Variants in SETD1B observed in about 807,000 individuals in gnomAD.
SETD1B encodes the protein histone-lysine N-methyltransferase SETD1B.
In SETD1B, 7 loss-of-function variants were observed where a neutral mutation model predicts 148.0. The observed-to-expected ratio is 0.05, with a 90% CI of 0.03 to 0.09. SETD1B has a LOEUF of 0.09. SETD1B is among the 10% of genes least tolerant of loss of function. SETD1B has a pLI of 1.00. For missense variants in SETD1B, 2,155 were observed against 2,729.9 expected (o/e 0.79, Z 4.69); for synonymous variants, 1,361 against 1,186.5 (o/e 1.15, Z -3.02).
At chr12:121,798,035 C>G in the SETD1B span, among the ~76,000 whole-genome samples, 1 of 152,346 alleles carries the variant, frequency 6.6e-6, no homozygotes, top group Admixed American at 6.5e-5. Context: ...TACTTCCAAC[C>G]AGACAGTCCC....
Position 121,805,882 on chromosome 12 carries a change from T to C in SETD1B, c.321T>C (p.Phe107=). The change falls in exon 4 of 17, where the codon TTT becomes TTC. Residue 107 remains phenylalanine, a synonymous_variant. Coordinates refer to ENST00000604567, the MANE Select transcript of SETD1B (RefSeq NM_001353345.2). This position sits in a 1 kb window ranked among gnomAD's most constrained non-coding sequence, Gnocchi z 4.2. ...CGGTGCCTCCGAAGCAGGTGACATT[T>C]GCCAAGCTGAATGATAACATCCGTG... ...VGPVPPKQVT[F]AKLNDNIREN... is the part of the protein sequence containing the mutation. The C allele has an allele frequency of 6.4e-7, 1 of 1,551,514 alleles. No homozygotes were observed. The highest frequency in any genetic ancestry group is 8.7e-7 in the Non-Finnish European group (1 of 1,146,938).
At chr12:121,819,378 G>A (rs376506231) in intron 10 of SETD1B, 26 bp from the exon 11 acceptor site, 23 of 1,551,006 alleles carry the variant, frequency 1.5e-5, no homozygotes, top group African/African-American at 1.2e-4. Flanking sequence ...TCCTCAGGCA[G>A]CCCCTCGTCT....
chr12:121,822,716 G>A lies in SETD1B; in HGVS notation c.4137G>A (p.Val1379=), dbSNP rs772113208. The change falls in exon 12 of 17, where the codon GTG becomes GTA. Residue 1379 remains valine (V), a synonymous_variant. Coordinates refer to ENST00000604567, the MANE Select transcript of SETD1B (RefSeq NM_001353345.2). ...CCAAGTCGCAGAGCACAGAGACGGT[G>A]CCAGCCACACCAGGCGGGGAGCCCC... ...SLAKSQSTET[V]PATPGGEPPL... is the part of the protein sequence containing the mutation. 4 of 1,526,506 alleles carry A rather than the reference G, an allele frequency of 2.6e-6. No homozygotes were observed. Among genetic ancestry groups the A allele is most frequent in the African/African-American group, 2.8e-5 (2 of 72,642 alleles). 94.6% of individuals were successfully genotyped at this position (1,526,506 alleles called of 1,614,324 possible).
In SETD1B at chr12:121,820,811, G is replaced by A. The variant is rs148479923; in HGVS notation, c.3910+916G>A. ...GCCTCCCAAAGTGCTGGGATTACAGGCGTGAGCCACCATGCCCGGTCCTAG... is the reference window on the plus strand; with the variant it reads ...GCCTCCCAAAGTGCTGGGATTACAGACGTGAGCCACCATGCCCGGTCCTAG... On this transcript the variant is annotated intron_variant, in intron 11 of 16. Coordinates refer to ENST00000604567, the MANE Select transcript of SETD1B (RefSeq NM_001353345.2). Among the ~76,000 whole-genome samples, 628 of 152,328 alleles carry A rather than the reference G, an allele frequency of 4.1e-3. 7 individuals carry two copies. The highest frequency in any genetic ancestry group is 0.014 in the African/African-American group (598 of 41,558).
Position 121,810,160 on chromosome 12 carries a change from C to T in SETD1B, c.1215C>T (p.Ala405=). 6.5e-7 allele frequency: 1 copy of T among 1,549,954 alleles called. No individual in the cohort carries two copies. Among genetic ancestry groups the T allele is most frequent in the Non-Finnish European group, 8.7e-7 (1 of 1,146,846 alleles). The change falls in exon 6 of 17, where the codon GCC becomes GCT. Residue 405 remains alanine, a synonymous_variant. Coordinates refer to ENST00000604567, the MANE Select transcript of SETD1B (RefSeq NM_001353345.2). The surrounding 1 kb of genome is among the most constrained non-coding windows in gnomAD (Gnocchi z 7.6). ...TCTCTCCGTATCAGACCCCAGTGGC[C>T]CACTTCCCTCCACCCCCGGAAGAGC... The part of the protein sequence containing the change: ...SAFSPYQTPV[A]HFPPPPEEPT...
chr12:121,825,387 C>G, intron 13 of SETD1B, 21 bp downstream of exon 13: 1 of 1,542,146 alleles, frequency 6.5e-7, no homozygotes, highest in South Asian at 1.2e-5. Context: ...GGCTCCTGGA[C>G]ACATCAGAGC....
In SETD1B at chr12:121,831,587, G is replaced by T. The variant is rs1308086166; in HGVS notation, c.*1348G>T. Reference sequence around the variant, plus strand: ...ACATTGTTTCTTGTAGAAACATGCGGGAAGACATTTTTTGCTCATTTCTTT... The same window carrying T: ...ACATTGTTTCTTGTAGAAACATGCGTGAAGACATTTTTTGCTCATTTCTTT... On this transcript the variant is annotated 3_prime_UTR_variant, in exon 17 of 17. Transcript: ENST00000604567. 3 of 151,792 alleles carry T rather than the reference G, an allele frequency of 2.0e-5. No homozygotes were observed. The highest frequency in any genetic ancestry group is 7.3e-5 in the African/African-American group (3 of 41,282). The allele number at this position is 151,792 out of a possible 1,614,324, so 9.4% of individuals were successfully genotyped here.
chr12:121,825,453 G>A, intron 13 of SETD1B, 87 bp downstream of exon 13: 1 of 1,370,296 alleles, frequency 7.3e-7, no homozygotes, highest in Non-Finnish European at 9.8e-7. Flanking sequence ...CCAGGCAGAG[G>A]GAGGAGTTGT....
At chr12:121,816,958 G>C in intron 7 of SETD1B, 75 bp from the exon 8 acceptor site, 1 of 1,353,764 alleles carries the variant, frequency 7.4e-7, no homozygotes, top group Non-Finnish European at 9.8e-7. Context: ...TGGAAGGCAG[G>C]TAGCCTGGGG....
chr12:121,804,751 A>ACCC lies in SETD1B; in HGVS notation c.20_22dup (p.Pro7dup). On this transcript the variant is annotated inframe_insertion, in exon 2 of 17. Coordinates refer to ENST00000604567, the MANE Select transcript of SETD1B (RefSeq NM_001353345.2). The surrounding 1 kb of genome is among the most constrained non-coding windows in gnomAD (Gnocchi z 4.6). ...TGGGTTAACGGCATGGAGAACAGTCACCCCCCCCACCACCACCACCAGCAG... is the reference window on the plus strand; with the variant it reads ...TGGGTTAACGGCATGGAGAACAGTCACCCCCCCCCCCACCACCACCACCAGCAG... 2.0e-6 allele frequency: 3 copies of ACCC among 1,527,566 alleles called. No homozygotes were observed. The highest frequency in any genetic ancestry group is 1.8e-6 in the Non-Finnish European group (2 of 1,135,846). 94.6% of individuals were successfully genotyped at this position (1,527,566 alleles called of 1,614,324 possible). A position where few individuals can be genotyped will look rare whatever the true frequency, so the allele number is the denominator to read the frequency against.
At position 121,828,064 on chromosome 12, in the gene SETD1B, C is replaced by T. The variant is rs1435219875; in HGVS notation, c.5721C>T (p.Ser1907=). ...ACTTCGCGCGCTTCATCAACCACAGCTGCAACGTGAGTGCCCAGCGGGGGG... is the reference window on the plus strand; with the variant it reads ...ACTTCGCGCGCTTCATCAACCACAGTTGCAACGTGAGTGCCCAGCGGGGGG... ...CGNFARFINH[S]CNPNCYAKVI... is the part of the protein sequence containing the mutation. Residue 1907 remains serine, a synonymous_variant, in exon 16 of 17, where the codon AGC becomes AGT. Transcript: ENST00000604567. 19 of 1,552,054 alleles carry T rather than the reference C, an allele frequency of 1.2e-5. No individual in the cohort carries two copies. The highest frequency in any genetic ancestry group is 4.1e-5 in the African/African-American group (3 of 73,084).
chr12:121,829,301 G>A (rs943738584), intron 16 of SETD1B, among the ~76,000 whole-genome samples: 13 of 152,162 alleles, frequency 8.5e-5, no homozygotes, highest in Non-Finnish European at 1.5e-4. Flanking sequence ...GCAGTGATGG[G>A]GGCCTGAGCG....
chr12:121,807,632 A>G (rs1346320605), intron 4 of SETD1B, among the ~76,000 whole-genome samples: 1 of 152,082 alleles, frequency 6.6e-6, no homozygotes, highest in African/African-American at 2.4e-5. Context: ...GCCCTGGTCT[A>G]TAAAAGCCTC....
At chr12:121,822,055 G>A (rs1315058163) in intron 11 of SETD1B, among the ~76,000 whole-genome samples, 3 of 152,190 alleles carry the variant, frequency 2.0e-5, no homozygotes, top group Middle Eastern at 3.4e-3. Context: ...CATTCCACCC[G>A]TCTCAAAAAT....
At position 121,808,157 on chromosome 12, in the gene SETD1B, C is replaced by A; in HGVS notation, c.545-51C>A. ...ACACAGGTTGGAATCCTTGTGGGGG[C>A]TGCCCCATCCTGGAACCTCACTGAG... On this transcript the variant is annotated intron_variant, in intron 4 of 16. Transcript: ENST00000604567. The surrounding 1 kb of genome is among the most constrained non-coding windows in gnomAD (Gnocchi z 5.3). 1 of 1,413,778 alleles carries A rather than the reference C, an allele frequency of 7.1e-7. No homozygotes were observed. 87.6% of individuals were successfully genotyped at this position (1,413,778 alleles called of 1,614,324 possible).
At chr12:121,792,918 G>A in the SETD1B span, among the ~76,000 whole-genome samples, 1 of 152,250 alleles carries the variant, frequency 6.6e-6, no homozygotes, top group Non-Finnish European at 1.5e-5. Flanking sequence ...TCTCAGCACA[G>A]AGCTGGGAGG....
the SETD1B span, among the ~76,000 whole-genome samples, chr12:121,798,227 T>G: frequency 2.6e-5 from 4 of 152,120 alleles, no homozygotes; most frequent in African/African-American, 9.7e-5. Context: ...GGACCATGGG[T>G]GGGTGACCCA....
intron 12 of SETD1B, among the ~76,000 whole-genome samples, chr12:121,824,035 A>G (rs913692748): frequency 1.3e-5 from 2 of 152,196 alleles, no homozygotes; most frequent in Non-Finnish European, 2.9e-5. Context: ...GCTTAACAGC[A>G]CACACGGGCG....
chr12:121,823,187 G>T lies in SETD1B; in HGVS notation c.4608G>T (p.Leu1536Phe), dbSNP rs774015374. The T allele has an allele frequency of 9.9e-5, 153 of 1,545,840 alleles. 1 individual carries two copies. The highest frequency in any genetic ancestry group is 1.2e-4 in the Non-Finnish European group (137 of 1,146,688). The change falls in exon 12 of 17, where the codon TTG becomes TTT. Residue 1536 changes from leucine to phenylalanine, a missense_variant. By Grantham distance (22) the Leu-to-Phe change is conservative. Transcript: ENST00000604567. ...PPSMLSLDGP[L>F]VRPPAGAALG... ...CTATGCTCTCCTTGGATGGGCCCTTGGTCCGACCACCAGCAGGGGCCGCCC... is the reference window on the plus strand; with the variant it reads ...CTATGCTCTCCTTGGATGGGCCCTTTGTCCGACCACCAGCAGGGGCCGCCC...
Sources: gnomAD v4.1 joint callset for allele counts (sites outside exome capture counted in the v4.1 genomes callset) on GRCh38, gnomAD v4.1.1 for gene constraint, Gnocchi (gnomAD v3.1) non-coding constraint, MANE v1.5 for transcripts, NCBI Gene and HGNC (gene_info 2026-07-23, HGNC 2026-07-21) for gene names.